PRUNE2: variants seen among roughly 807,000 people sequenced by gnomAD.
PRUNE2 encodes prune homolog 2 with BCH domain, also known as protein prune homolog 2.
PRUNE2 carries 164 observed loss-of-function variants against 252.0 expected under a neutral mutation model. The ratio of observed to expected loss-of-function variants is 0.65; its 90% CI spans 0.57 to 0.74. The LOEUF is 0.74. Ranked by LOEUF, PRUNE2 falls within the 30% of genes least tolerant of loss-of-function variation. PRUNE2 has a pLI of 0.00. For synonymous variants in PRUNE2, 1,292 were observed against 1,350.2 expected (o/e 0.96, Z 0.94); for missense variants, 3,495 against 3,711.0 (o/e 0.94, Z 1.51).
At chr9:76,859,274 A>T (rs893580388) in intron 1 of PRUNE2, among the ~76,000 whole-genome samples, 1 of 152,226 alleles carries the variant, frequency 6.6e-6, no homozygotes, top group South Asian at 2.1e-4. Context: ...ATATACCGCT[A>T]AAATGAGACT....
rs1030548428 is a variant in PRUNE2, at chr9:76,850,457, T to A, written c.344+6A>T. The A allele has an allele frequency of 1.3e-5, 21 of 1,611,174 alleles. No individual in the cohort carries two copies. In the Admixed American group the frequency reaches 1.5e-4, roughly 12 times the overall value. Reference sequence around the variant, plus strand: ...TTAAACCTCAGAGCTTCACAGTGGATCTTACCTCGCCAGCACACTGCTGCC... The same window carrying A: ...TTAAACCTCAGAGCTTCACAGTGGAACTTACCTCGCCAGCACACTGCTGCC... On this transcript the variant is annotated splice_donor_region_variant and intron_variant, in intron 3 of 18. Coordinates refer to ENST00000376718, the MANE Select transcript of PRUNE2 (RefSeq NM_015225.3).
chr9:76,770,857 T>G (rs2053018476), intron 6 of PRUNE2, among the ~76,000 whole-genome samples: 1 of 152,170 alleles, frequency 6.6e-6, no homozygotes, highest in Admixed American at 6.5e-5. Flanking sequence ...ACCTCAACTT[T>G]GATAATATCT....
intron 6 of PRUNE2, among the ~76,000 whole-genome samples, chr9:76,774,280 T>C (rs1222734981): frequency 4.0e-5 from 6 of 151,522 alleles, no homozygotes; most frequent in Non-Finnish European, 8.8e-5. Flanking sequence ...GGACTACAGG[T>C]GTGCACCACC....
intron 1 of PRUNE2, among the ~76,000 whole-genome samples, chr9:76,879,840 CT>C (rs2133253643): frequency 7.3e-6 from 1 of 136,260 alleles, no homozygotes; most frequent in East Asian, 2.1e-4. Flanking sequence ...TTTATTTCCA[CT>C]GTAAAGATTA....
rs1412277195 is a variant in PRUNE2, at chr9:76,803,832, T to A, written c.756+19800A>T. On this transcript the variant is annotated intron_variant, in intron 6 of 18. Coordinates refer to ENST00000376718, the MANE Select transcript of PRUNE2 (RefSeq NM_015225.3). ...TTTCCGGAGTCTGTAAATATTAGAC[T>A]GTCTGTTCTTCGCAGGTGTTTATAC... Among the ~76,000 whole-genome samples the A allele has an allele frequency of 2.0e-5, 3 of 152,202 alleles. No homozygotes were observed. The South Asian group carries it at 6.2e-4, about 31-fold the overall frequency.
chr9:76,897,321 T>C (rs747170243), intron 1 of PRUNE2, among the ~76,000 whole-genome samples: 13 of 150,370 alleles, frequency 8.6e-5, no homozygotes, highest in Non-Finnish European at 1.5e-4. Flanking sequence ...GGTCCTAGAA[T>C]TGAAGTCAGG....
intron 1 of PRUNE2, among the ~76,000 whole-genome samples, chr9:76,860,076 C>T (rs189433607): frequency 8.3e-4 from 126 of 152,256 alleles, no homozygotes; most frequent in African/African-American, 3.0e-3. Flanking sequence ...TGGGGATGAA[C>T]TCACAGGGGT....
intron 6 of PRUNE2, among the ~76,000 whole-genome samples, chr9:76,768,019 C>G (rs2052610448): frequency 6.6e-6 from 1 of 152,176 alleles, no homozygotes; most frequent in African/African-American, 2.4e-5. Flanking sequence ...TGCCCTCCAG[C>G]TATACGTGCA....
At chr9:76,633,113 T>A (rs1305891944) in intron 15 of PRUNE2, among the ~76,000 whole-genome samples, 1 of 151,892 alleles carries the variant, frequency 6.6e-6, no homozygotes, top group African/African-American at 2.4e-5. Context: ...TCCCAGCTAC[T>A]TGGGAGGTGG....
intron 1 of PRUNE2, among the ~76,000 whole-genome samples, chr9:76,872,028 A>G (rs1216488580): frequency 6.6e-6 from 1 of 152,186 alleles, no homozygotes; most frequent in East Asian, 1.9e-4. Context: ...ACCTGCATAC[A>G]TAGAAGGCTT....
chr9:76,880,135 G>A (rs576713825), intron 1 of PRUNE2, among the ~76,000 whole-genome samples: 1 of 151,476 alleles, frequency 6.6e-6, no homozygotes, highest in Non-Finnish European at 1.5e-5. Flanking sequence ...GGATGGTCTC[G>A]ATCTCCTGAC....
chr9:76,654,480 A>C (rs1848518989), intron 10 of PRUNE2, among the ~76,000 whole-genome samples: 1 of 152,230 alleles, frequency 6.6e-6, no homozygotes, highest in African/African-American at 2.4e-5. Flanking sequence ...GTGATGTCCC[A>C]AAGAATTCTT....
At chr9:76,866,751 A>T (rs2060862464) in intron 1 of PRUNE2, among the ~76,000 whole-genome samples, 1 of 151,920 alleles carries the variant, frequency 6.6e-6, no homozygotes, top group African/African-American at 2.4e-5. Context: ...AGTGGGTAAG[A>T]AAGGAGGAAG....
At chr9:76,715,562 G>A (rs762361326) in intron 6 of PRUNE2, among the ~76,000 whole-genome samples, 2 of 152,172 alleles carry the variant, frequency 1.3e-5, no homozygotes, top group Non-Finnish European at 2.9e-5. Context: ...CTATTGTAAT[G>A]ACATTTATGA....
intron 1 of PRUNE2, among the ~76,000 whole-genome samples, chr9:76,884,477 A>G (rs1372804606): frequency 6.6e-6 from 1 of 152,226 alleles, no homozygotes; most frequent in African/African-American, 2.4e-5. Flanking sequence ...TAAGACTTGG[A>G]GATGTAAATA....
At chr9:76,813,957 C>T (rs1219054213) in intron 6 of PRUNE2, among the ~76,000 whole-genome samples, 1 of 152,148 alleles carries the variant, frequency 6.6e-6, no homozygotes, top group Non-Finnish European at 1.5e-5. Context: ...GCTGGGATTA[C>T]AGGCACCCAC....
intron 6 of PRUNE2, among the ~76,000 whole-genome samples, chr9:76,796,380 C>T (rs2056094130): frequency 6.6e-6 from 1 of 152,184 alleles, no homozygotes. Flanking sequence ...TCCTGAGGCC[C>T]TCATGCCCCA....
At chr9:76,704,431 C>A (rs1487857087) in intron 8 of PRUNE2, among the ~76,000 whole-genome samples, 5 of 152,056 alleles carry the variant, frequency 3.3e-5, no homozygotes, top group Non-Finnish European at 7.4e-5. Flanking sequence ...CACCATGCTG[C>A]CCAGGCTGGT....
intron 6 of PRUNE2, among the ~76,000 whole-genome samples, chr9:76,806,422 T>C (rs1015860535): frequency 6.6e-6 from 1 of 152,152 alleles, no homozygotes; most frequent in Non-Finnish European, 1.5e-5. Flanking sequence ...TTTCTGTCTG[T>C]AAACATTTTG....
Sources: allele counts gnomAD v4.1 joint callset (sites outside exome capture counted in the v4.1 genomes callset), GRCh38; gene constraint gnomAD v4.1.1; transcripts MANE v1.5; gene names NCBI Gene and HGNC (gene_info 2026-07-23, HGNC 2026-07-21).